FAM120C: variants seen among roughly 807,000 people sequenced by gnomAD.
FAM120C encodes constitutive coactivator of PPAR-gamma-like protein 2.
A neutral mutation model predicts 71.2 loss-of-function variants in FAM120C; 14 were observed. That is an observed-to-expected ratio of 0.20 (90% CI 0.13 to 0.31). FAM120C has a LOEUF of 0.31. FAM120C is among the 10% of genes least tolerant of loss of function. The pLI is 1.00. For synonymous variants in FAM120C, 354 were observed against 353.2 expected (o/e 1.00, Z -0.03); for missense variants, 500 against 879.0 (o/e 0.57, Z 5.45).
At chrX:54,133,326 T>C (rs1484893094) in intron 8 of FAM120C, among the ~76,000 whole-genome samples, 2 of 108,112 alleles carry the variant, frequency 1.8e-5, no homozygotes, top group East Asian at 2.8e-4. Flanking sequence ...TCTCAAAAAA[T>C]AAAACAAAAT....
intron 1 of FAM120C, among the ~76,000 whole-genome samples, chrX:54,179,991 C>A (rs1340543828): frequency 8.9e-6 from 1 of 112,132 alleles, no homozygotes; most frequent in Admixed American, 9.5e-5. Context: ...GACTGAGATT[C>A]TACTATTTTT....
intron 9 of FAM120C, among the ~76,000 whole-genome samples, chrX:54,118,302 G>C (rs943102739): frequency 1.8e-5 from 2 of 110,379 alleles, no homozygotes; most frequent in African/African-American, 6.6e-5. Flanking sequence ...TGTATCGATA[G>C]TACATTCTTT....
At chrX:54,143,950 A>G (rs1557132057) in intron 4 of FAM120C, among the ~76,000 whole-genome samples, 1 of 111,953 alleles carries the variant, frequency 8.9e-6, no homozygotes, top group Non-Finnish European at 1.9e-5. Flanking sequence ...CAGCACATCA[A>G]AAAGCTTATC....
chrX:54,145,763 C>T (rs374230253), intron 4 of FAM120C, among the ~76,000 whole-genome samples: 1 of 111,673 alleles, frequency 9.0e-6, no homozygotes, highest in African/African-American at 3.3e-5. Context: ...TCCTCAGGGA[C>T]CTAGAACTAG....
chrX:54,140,765 C>G (rs1204751556), intron 4 of FAM120C, among the ~76,000 whole-genome samples: 1 of 109,008 alleles, frequency 9.2e-6, no homozygotes, highest in Non-Finnish European at 1.9e-5. Context: ...CAAGGTGAAA[C>G]CCTGTCTCTA....
chrX:54,133,326 TAAAAC>T (rs1259865807), intron 8 of FAM120C, among the ~76,000 whole-genome samples: 1 of 108,057 alleles, frequency 9.3e-6, no homozygotes, highest in Non-Finnish European at 2.0e-5. Flanking sequence ...TCTCAAAAAA[TAAAAC>T]AAAATAAAAT....
At chrX:54,091,284 G>T (rs2066822961) in intron 11 of FAM120C, 28 bp downstream of exon 11, 1 of 1,045,453 alleles carries the variant, frequency 9.6e-7, no homozygotes, top group Non-Finnish European at 1.3e-6. Context: ...ATAAAAGAAA[G>T]AACTTAAATG....
At chrX:54,076,615 G>A (rs782525748) in intron 15 of FAM120C, among the ~76,000 whole-genome samples, 8 of 111,409 alleles carry the variant, frequency 7.2e-5, no homozygotes, top group Non-Finnish European at 9.4e-5. Flanking sequence ...AATAGTGTCC[G>A]CAGCCATCTT....
At chrX:54,166,424 G>T (rs1195387790) in intron 1 of FAM120C, among the ~76,000 whole-genome samples, 1 of 112,099 alleles carries the variant, frequency 8.9e-6, no homozygotes, top group Non-Finnish European at 1.9e-5. Context: ...AACAATGAAA[G>T]TGCCTAAGTG....
intron 4 of FAM120C, among the ~76,000 whole-genome samples, chrX:54,139,245 C>G (rs1324024250): frequency 9.0e-6 from 1 of 111,022 alleles, no homozygotes; most frequent in Non-Finnish European, 1.9e-5. Context: ...CACCATACAG[C>G]CCTAGTGTTG....
intron 11 of FAM120C, among the ~76,000 whole-genome samples, chrX:54,088,614 C>T (rs868984847): frequency 1.4e-4 from 8 of 56,497 alleles, no homozygotes; most frequent in African/African-American, 4.8e-4. Flanking sequence ...AAAAAAAAAA[C>T]GAAAGAAAGA....
At chrX:54,095,996 T>C (rs2066849668) in intron 10 of FAM120C, among the ~76,000 whole-genome samples, 1 of 112,051 alleles carries the variant, frequency 8.9e-6, no homozygotes, top group Non-Finnish European at 1.9e-5. Context: ...CTTTATTCTA[T>C]ATACAAAAGT....
At chrX:54,115,321 G>A (rs2066962360) in intron 10 of FAM120C, among the ~76,000 whole-genome samples, 1 of 111,856 alleles carries the variant, frequency 8.9e-6, no homozygotes, top group Non-Finnish European at 1.9e-5. Context: ...CAGAGAATGA[G>A]AAAACTCAAA....
At chrX:54,077,638 T>C (rs1411555175) in intron 15 of FAM120C, among the ~76,000 whole-genome samples, 1 of 111,083 alleles carries the variant, frequency 9.0e-6, no homozygotes, top group East Asian at 2.8e-4. Context: ...CACTGCACTC[T>C]AGCTTGGGTG....
At chrX:54,165,897 A>T (rs1335717813) in intron 1 of FAM120C, among the ~76,000 whole-genome samples, 3 of 111,164 alleles carry the variant, frequency 2.7e-5, no homozygotes, top group Non-Finnish European at 5.7e-5. Context: ...GAAAACGGTC[A>T]ATACTCTTGA....
In FAM120C at chrX:54,087,742, G is replaced by C. The variant is rs782640389; in HGVS notation, c.2637+13C>G. 8.3e-7 allele frequency: 1 copy of C among 1,205,104 alleles called. No homozygotes were observed. Among genetic ancestry groups the C allele is most frequent in the Admixed American group, 2.2e-5 (1 of 45,802 alleles). ...GATCAGAGCTAGTCCTTAGCAGCCTGACATGCTGGTACCTGGCCATCACAG... is the reference window on the plus strand; with the variant it reads ...GATCAGAGCTAGTCCTTAGCAGCCTCACATGCTGGTACCTGGCCATCACAG... On this transcript the variant is annotated intron_variant, in intron 12 of 15. Transcript: ENST00000375180.
At chrX:54,094,897 T>C (rs2066842512) in intron 10 of FAM120C, among the ~76,000 whole-genome samples, 3 of 39,719 alleles carry the variant, frequency 7.6e-5, no homozygotes, top group African/African-American at 1.1e-4. Context: ...AGAGCAAGAC[T>C]CCATCTCAAA....
intron 1 of FAM120C, among the ~76,000 whole-genome samples, chrX:54,160,468 G>A (rs2067230821): frequency 9.0e-6 from 1 of 110,763 alleles, no homozygotes; most frequent in African/African-American, 3.3e-5. Flanking sequence ...ATCTCACTCC[G>A]GAATGCACAC....
chrX:54,111,997 G>C (rs147795533), intron 10 of FAM120C, among the ~76,000 whole-genome samples: 256 of 112,344 alleles, frequency 2.3e-3, no homozygotes, highest in African/African-American at 8.0e-3. Context: ...ACAGCTAATT[G>C]ATCTTTGATA....
Sources: allele counts gnomAD v4.1 joint callset (sites outside exome capture counted in the v4.1 genomes callset), GRCh38; gene constraint gnomAD v4.1.1; transcripts MANE v1.5; gene names NCBI Gene and HGNC (gene_info 2026-07-23, HGNC 2026-07-21).